CSMD1: variants seen among roughly 807,000 people sequenced by gnomAD.
CSMD1 encodes the protein CUB and Sushi multiple domains 1.
Under a neutral mutation model 417.5 loss-of-function variants are expected in CSMD1, and 213 were observed. The observed-to-expected ratio is 0.51, with a 90% CI of 0.46 to 0.57. The LOEUF is 0.57. Ranked by LOEUF, CSMD1 falls within the 20% of genes least tolerant of loss-of-function variation. CSMD1 has a pLI of 0.00. For missense variants in CSMD1, 6,923 were observed against 4,529.7 expected (o/e 1.53, Z -15.17); for synonymous variants, 2,862 against 1,736.8 (o/e 1.65, Z -16.11).
chr8:3,422,764 C>G (rs1813577577), intron 12 of CSMD1, among the ~76,000 whole-genome samples: 1 of 152,182 alleles, frequency 6.6e-6, no homozygotes, highest in Non-Finnish European at 1.5e-5. Flanking sequence ...GTATGAAGAG[C>G]AGAAATGTAT....
At chr8:3,969,268 G>C (rs771945546) in intron 5 of CSMD1, among the ~76,000 whole-genome samples, 2 of 152,100 alleles carry the variant, frequency 1.3e-5, no homozygotes, top group East Asian at 1.9e-4. Flanking sequence ...AAGATAAAAA[G>C]AGTGGCTGTA....
chr8:3,906,856 A>G (rs1411980725), intron 5 of CSMD1, among the ~76,000 whole-genome samples: 2 of 152,134 alleles, frequency 1.3e-5, no homozygotes, highest in African/African-American at 4.8e-5. Context: ...CATTTTGTAC[A>G]TAAAGTAAAA....
At chr8:4,164,923 T>G (rs772820431) in intron 3 of CSMD1, among the ~76,000 whole-genome samples, 2 of 151,692 alleles carry the variant, frequency 1.3e-5, no homozygotes, top group Non-Finnish European at 2.9e-5. Context: ...AGTTTGATAG[T>G]AGTCCTGAAA....
Position 4,268,512 on chromosome 8 carries a change from G to A in CSMD1, c.415+151441C>T, listed in dbSNP as rs1010992967. Among the ~76,000 whole-genome samples the A allele has an allele frequency of 7.9e-5, 12 of 152,160 alleles. 1 individual carries two copies. The South Asian group carries it at 2.3e-3, about 29-fold the overall frequency. On this transcript the variant is annotated intron_variant, in intron 3 of 69. Transcript: ENST00000635120. ...TATTTTGTAGTATTTAGAGAAACAA[G>A]TAGTAGTCAAAATGATTTTTTAAAT...
chr8:4,212,771 T>C (rs949594054), intron 3 of CSMD1, among the ~76,000 whole-genome samples: 2 of 145,134 alleles, frequency 1.4e-5, no homozygotes, highest in Non-Finnish European at 3.0e-5. Flanking sequence ...TTTTTTTTTT[T>C]TTTTTACAAG....
At chr8:3,819,688 G>C (rs759427567) in intron 5 of CSMD1, among the ~76,000 whole-genome samples, 18 of 152,106 alleles carry the variant, frequency 1.2e-4, no homozygotes, top group Non-Finnish European at 2.5e-4. Context: ...GGGGTCTTAG[G>C]TGATCCTCCA....
At chr8:3,333,972 G>T (rs1032700320) in intron 23 of CSMD1, among the ~76,000 whole-genome samples, 1 of 152,148 alleles carries the variant, frequency 6.6e-6, no homozygotes, top group Non-Finnish European at 1.5e-5. Flanking sequence ...AGCTTGTATA[G>T]GATTTCCAAA....
At chr8:3,951,217 G>C (rs928145916) in intron 5 of CSMD1, among the ~76,000 whole-genome samples, 2 of 152,170 alleles carry the variant, frequency 1.3e-5, no homozygotes, top group Non-Finnish European at 2.9e-5. Context: ...AGTTTGTGGG[G>C]ACTGCACAGG....
chr8:4,181,960 G>GTGTGTT (rs1185285386), intron 3 of CSMD1, among the ~76,000 whole-genome samples: 1 of 150,606 alleles, frequency 6.6e-6, no homozygotes, highest in Non-Finnish European at 1.5e-5. Context: ...GTGTCTGCGT[G>GTGTGTT]TGTGTGTGTG....
At chr8:3,887,778 G>A (rs555806151) in intron 5 of CSMD1, among the ~76,000 whole-genome samples, 1 of 152,312 alleles carries the variant, frequency 6.6e-6, no homozygotes, top group Admixed American at 6.5e-5. Flanking sequence ...TGAACTGAGT[G>A]TGTGGTATCA....
At chr8:3,861,111 C>T (rs750293714) in intron 5 of CSMD1, among the ~76,000 whole-genome samples, 10 of 152,098 alleles carry the variant, frequency 6.6e-5, no homozygotes, top group Non-Finnish European at 1.3e-4. Flanking sequence ...GAAAACAGGA[C>T]GTGGCTTTCT....
chr8:3,365,845 C>T (rs532460035), intron 20 of CSMD1, among the ~76,000 whole-genome samples: 5 of 152,260 alleles, frequency 3.3e-5, no homozygotes, highest in Admixed American at 2.0e-4. Flanking sequence ...GTGTCGATCC[C>T]CGCACAGTGG....
At chr8:4,153,632 G>A (rs1053458209) in intron 3 of CSMD1, among the ~76,000 whole-genome samples, 20 of 152,160 alleles carry the variant, frequency 1.3e-4, no homozygotes, top group African/African-American at 4.8e-4. Context: ...TCTTCACCTT[G>A]CAAGGCAGCT....
intron 3 of CSMD1, among the ~76,000 whole-genome samples, chr8:4,176,859 CA>C (rs1414354212): frequency 6.8e-6 from 1 of 148,118 alleles, no homozygotes; most frequent in Non-Finnish European, 1.5e-5. Context: ...GTAAAGGGAT[CA>C]ATTCAACAAG....
At chr8:3,788,198 C>G (rs1799550314) in intron 5 of CSMD1, among the ~76,000 whole-genome samples, 2 of 152,162 alleles carry the variant, frequency 1.3e-5, no homozygotes. Flanking sequence ...TTACAAATTA[C>G]AGATAGTTGG....
At chr8:3,032,640 T>C (rs1810417425) in intron 50 of CSMD1, among the ~76,000 whole-genome samples, 1 of 151,882 alleles carries the variant, frequency 6.6e-6, no homozygotes, top group African/African-American at 2.4e-5. Flanking sequence ...CTGTACGTGG[T>C]TTCTAGTCAC....
At chr8:3,785,770 G>C (rs910137209) in intron 5 of CSMD1, among the ~76,000 whole-genome samples, 1 of 152,110 alleles carries the variant, frequency 6.6e-6, no homozygotes, top group Admixed American at 6.5e-5. Flanking sequence ...GGTGCCCCAG[G>C]AACCTGGAAG....
chr8:3,339,879 T>A (rs115367813), intron 23 of CSMD1, among the ~76,000 whole-genome samples: 3,080 of 152,304 alleles, frequency 0.02, 107 homozygotes, highest in African/African-American at 0.07. Flanking sequence ...GCATATTATC[T>A]GGTATGAACA....
rs895076598 is a variant in CSMD1 at position 4,909,671 on chromosome 8, C to A, written c.85+84661G>T. On this transcript the variant is annotated intron_variant, in intron 1 of 69. Transcript: ENST00000635120. Reference sequence around the variant, plus strand: ...GTAGGGGCCTCCTAAGACTGCACACCCCCGGATTTTCTCCTTCTCACACCA... The same window carrying A: ...GTAGGGGCCTCCTAAGACTGCACACACCCGGATTTTCTCCTTCTCACACCA... 3.2e-4 allele frequency among the ~76,000 whole-genome samples: 49 copies of A among 151,986 alleles called. 1 individual carries two copies. The highest frequency in any genetic ancestry group is 6.5e-4 in the Non-Finnish European group (44 of 67,994).
Sources: gnomAD v4.1 joint callset for allele counts (sites outside exome capture counted in the v4.1 genomes callset) on GRCh38, gnomAD v4.1.1 for gene constraint, MANE v1.5 for transcripts, NCBI Gene and HGNC (gene_info 2026-07-23, HGNC 2026-07-21) for gene names.